CREB3L2: variants seen among roughly 807,000 people sequenced by gnomAD.
The protein encoded by CREB3L2 is cyclic AMP-responsive element-binding protein 3-like protein 2.
CREB3L2 carries 23 observed loss-of-function variants against 57.2 expected under a neutral mutation model. That is an observed-to-expected ratio of 0.40 (90% confidence interval 0.29 to 0.57). The LOEUF (loss-of-function observed/expected upper bound fraction) is 0.57. Ranked by LOEUF, CREB3L2 falls within the 20% of genes least tolerant of loss-of-function variation. The pLI is 0.42. For missense variants in CREB3L2, 628 were observed against 634.7 expected (o/e 0.99, Z 0.11); for synonymous variants, 268 against 265.1 (o/e 1.01, Z -0.11).
chr7:137,953,395 C>A (rs1198709848), intron 1 of CREB3L2: 1 of 1,073,118 alleles, frequency 9.3e-7, no homozygotes, highest in African/African-American at 1.6e-5. Flanking sequence ...TCTGCACCCA[C>A]TCCAGTCTAG....
intron 2 of CREB3L2, among the ~76,000 whole-genome samples, chr7:137,926,082 C>T (rs1185929655): frequency 6.6e-6 from 1 of 152,200 alleles, no homozygotes; most frequent in Non-Finnish European, 1.5e-5. Flanking sequence ...CTGGAAACAA[C>T]AGATGCTGGC....
intron 10 of CREB3L2, among the ~76,000 whole-genome samples, chr7:137,883,532 T>C (rs1337960738): frequency 6.6e-6 from 1 of 152,338 alleles, no homozygotes; most frequent in East Asian, 1.9e-4. Context: ...CCTATACATA[T>C]GTACTTATGA....
chr7:137,882,742 G>A (rs1458843058), intron 10 of CREB3L2, 114 bp from the exon 11 acceptor site: 2 of 669,700 alleles, frequency 3.0e-6, no homozygotes, highest in Non-Finnish European at 4.7e-6. Flanking sequence ...TGTTCTCGTT[G>A]CCCAGAACCA....
intron 1 of CREB3L2, among the ~76,000 whole-genome samples, chr7:137,948,070 C>T (rs1453211920): frequency 6.6e-6 from 1 of 152,230 alleles, no homozygotes; most frequent in Non-Finnish European, 1.5e-5. Flanking sequence ...CTCAACAATT[C>T]CTCACCTGGA....
intron 1 of CREB3L2, among the ~76,000 whole-genome samples, chr7:137,965,322 C>T (rs554797668): frequency 1.2e-4 from 18 of 152,200 alleles, no homozygotes; most frequent in African/African-American, 1.4e-4. Flanking sequence ...AACACACATG[C>T]GCACAAATAT....
At chr7:137,915,391 CTGACT>C (rs954091692) in intron 3 of CREB3L2, among the ~76,000 whole-genome samples, 10 of 151,912 alleles carry the variant, frequency 6.6e-5, no homozygotes, top group African/African-American at 2.2e-4. Flanking sequence ...TGGGACATTC[CTGACT>C]TGAGTAAGGA....
At chr7:137,979,948 A>G (rs1801684161) in intron 1 of CREB3L2, among the ~76,000 whole-genome samples, 1 of 152,188 alleles carries the variant, frequency 6.6e-6, no homozygotes, top group Non-Finnish European at 1.5e-5. Flanking sequence ...ATCTAGCTTG[A>G]TCTGGCATCA....
Position 137,875,164 on chromosome 7 carries a change from A to G in CREB3L2, c.*5312T>C, listed in dbSNP as rs1799119688. 4.8e-6 allele frequency: 1 copy of G among 208,262 alleles called. No homozygotes were observed. The highest frequency in any genetic ancestry group is 5.9e-5 in the Admixed American group (1 of 16,808). 12.9% of individuals were successfully genotyped at this position (208,262 alleles called of 1,614,324 possible). On this transcript the variant is annotated 3_prime_UTR_variant, in exon 12 of 12. Coordinates refer to ENST00000330387, the MANE Select transcript of CREB3L2 (RefSeq NM_194071.4). ...AAAAACGCGATAGGACAGATAACAG[A>G]CTCACAACGTATTTAGATTTAAACA...
At chr7:137,907,296 C>T (rs747563527) in intron 5 of CREB3L2, among the ~76,000 whole-genome samples, 9 of 152,068 alleles carry the variant, frequency 5.9e-5, no homozygotes, top group Non-Finnish European at 8.8e-5. Flanking sequence ...GGCAAGCATC[C>T]GACATGGGGA....
chr7:137,910,356 C>A (rs1437093397), intron 4 of CREB3L2, among the ~76,000 whole-genome samples: 3 of 151,970 alleles, frequency 2.0e-5, no homozygotes, highest in African/African-American at 7.3e-5. Context: ...CCAAAGAGGT[C>A]CCTGGGCTTT....
rs933877368 is a variant in CREB3L2 at position 138,001,151 on chromosome 7, G to C, written c.102+453C>G. 2.1e-5 allele frequency among the ~76,000 whole-genome samples: 3 copies of C among 144,138 alleles called. No homozygotes were observed. The highest frequency in any genetic ancestry group is 4.6e-5 in the Non-Finnish European group (3 of 65,566). 94.6% of individuals were successfully genotyped at this position (144,138 alleles called of 152,430 possible). On this transcript the variant is annotated intron_variant, in intron 1 of 11. Coordinates refer to ENST00000330387, the MANE Select transcript of CREB3L2 (RefSeq NM_194071.4). This position sits in a 1 kb window ranked among gnomAD's most constrained non-coding sequence, Gnocchi z 4.2. The stretch of plus-strand genomic sequence containing the variant: ...CGTGTACTTTTTAAAATATAAATAT[G>C]AAAGAAGAGGAAGGGAGGGAGAGAG...
chr7:137,911,653 C>T (rs1231470404), intron 4 of CREB3L2, among the ~76,000 whole-genome samples: 1 of 152,144 alleles, frequency 6.6e-6, no homozygotes, highest in African/African-American at 2.4e-5. Context: ...GCCTGGGCAA[C>T]ATGGTGAAAC....
intron 1 of CREB3L2, among the ~76,000 whole-genome samples, chr7:137,966,183 G>A (rs909304449): frequency 2.0e-5 from 3 of 152,202 alleles, no homozygotes; most frequent in Non-Finnish European, 4.4e-5. Flanking sequence ...CATGTGAAAA[G>A]TTATGAAATT....
chr7:137,929,073 C>T (rs1301868752), intron 1 of CREB3L2, among the ~76,000 whole-genome samples: 1 of 152,244 alleles, frequency 6.6e-6, no homozygotes, highest in Non-Finnish European at 1.5e-5. Flanking sequence ...TGGCTTCTCT[C>T]TAGTCTCCCC....
intron 1 of CREB3L2, among the ~76,000 whole-genome samples, chr7:137,965,269 G>A (rs1008275495): frequency 6.6e-6 from 1 of 152,154 alleles, no homozygotes; most frequent in Non-Finnish European, 1.5e-5. Flanking sequence ...TCTATAAACA[G>A]AAATTTAGTC....
intron 1 of CREB3L2, among the ~76,000 whole-genome samples, chr7:137,995,858 A>C (rs923292015): frequency 5.3e-5 from 8 of 152,292 alleles, no homozygotes; most frequent in African/African-American, 1.9e-4. Context: ...GGCAAATATA[A>C]AACTCTGTAC....
At chr7:137,888,574 C>A (rs1017150658) in intron 8 of CREB3L2, among the ~76,000 whole-genome samples, 10 of 152,098 alleles carry the variant, frequency 6.6e-5, no homozygotes, top group African/African-American at 2.4e-4. Flanking sequence ...AGCCCCAAAG[C>A]CCTTGCTGGG....
intron 1 of CREB3L2, among the ~76,000 whole-genome samples, chr7:137,984,867 T>C (rs569725527): frequency 5.6e-4 from 86 of 152,330 alleles, no homozygotes; most frequent in African/African-American, 2.1e-3. Context: ...GTCTCCCAAA[T>C]TGCAAACTCT....
chr7:137,949,323 G>C (rs1264361469), intron 1 of CREB3L2, among the ~76,000 whole-genome samples: 1 of 152,172 alleles, frequency 6.6e-6, no homozygotes, highest in Non-Finnish European at 1.5e-5. Context: ...AAAAGAACAT[G>C]TCAGAAACTG....
Sources: allele counts gnomAD v4.1 joint callset (sites outside exome capture counted in the v4.1 genomes callset), GRCh38; gene constraint gnomAD v4.1.1; non-coding constraint Gnocchi (gnomAD v3.1); transcripts MANE v1.5; gene names NCBI Gene and HGNC (gene_info 2026-07-23, HGNC 2026-07-21).